Variants in POT1 observed in about 807,000 individuals in gnomAD.
POT1 encodes the protein protection of telomeres 1.
A neutral mutation model predicts 78.5 loss-of-function variants in POT1; 47 were observed. The observed-to-expected ratio is 0.60, with a 90% CI of 0.47 to 0.76. The LOEUF is 0.76. Ranked by LOEUF, POT1 falls within the 30% of genes least tolerant of loss-of-function variation. The pLI is 0.00. For missense variants in POT1, 646 were observed against 749.9 expected (o/e 0.86, Z 1.62); for synonymous variants, 259 against 260.7 (o/e 0.99, Z 0.06).
intron 13 of POT1, among the ~76,000 whole-genome samples, chr7:124,842,198 G>A (rs1195601894): frequency 6.6e-6 from 1 of 151,934 alleles, no homozygotes; most frequent in Non-Finnish European, 1.5e-5. Context: ...CAGAGGAAAA[G>A]TAGGCAAATT....
chr7:124,904,438 T>C (rs557178168), intron 3 of POT1, among the ~76,000 whole-genome samples: 1 of 152,284 alleles, frequency 6.6e-6, no homozygotes, highest in Non-Finnish European at 1.5e-5. Context: ...TTCAACAAAA[T>C]TCGACAGCCC....
intron 7 of POT1, among the ~76,000 whole-genome samples, chr7:124,866,250 ATG>A (rs1294061639): frequency 4.1e-5 from 1 of 24,418 alleles, no homozygotes; most frequent in Non-Finnish European, 9.4e-5. Flanking sequence ...TTGATAAAAC[ATG>A]TGTAGAATAG....
At position 124,859,024 on chromosome 7, in the gene POT1, C is replaced by G. The variant is rs746903370; in HGVS notation, c.635G>C (p.Arg212Pro). 1 of 1,610,268 alleles carries G rather than the reference C, an allele frequency of 6.2e-7. No homozygotes were observed. Among genetic ancestry groups the G allele is most frequent in the South Asian group, 1.1e-5 (1 of 90,650 alleles). The change falls in exon 9 of 19, where the codon CGG becomes CCG. Residue 212 changes from arginine to proline, a missense_variant. Physicochemically the swap from Arg to Pro is moderately radical, Grantham distance 103 (BLOSUM62 -2). This residue lies in a region of POT1 where 252 missense variants were observed against 341.4 expected (regional missense o/e 0.74). Coordinates refer to ENST00000357628, the MANE Select transcript of POT1 (RefSeq NM_015450.3). ...AATGTCTATTGTCAGATTTTGTAGC[C>G]GATGGATGTGACTTAAATCACCTTC... ...VLEGDLSHIH[R>P]LQNLTIDILV...
chr7:124,824,348 A>G (rs1238755028), intron 18 of POT1, among the ~76,000 whole-genome samples: 1 of 151,976 alleles, frequency 6.6e-6, no homozygotes, highest in Non-Finnish European at 1.5e-5. Flanking sequence ...GTTGGTATAT[A>G]TTTTAAAAAT....
intron 5 of POT1, 123 bp downstream of exon 5, chr7:124,897,042 T>C: frequency 4.1e-6 from 2 of 491,470 alleles, no homozygotes. Context: ...GTTTTTCCAG[T>C]GTATTGATAA....
At chr7:124,892,093 A>G (rs1371311677) in intron 6 of POT1, among the ~76,000 whole-genome samples, 173 bp downstream of exon 6, 1 of 151,592 alleles carries the variant, frequency 6.6e-6, no homozygotes. Context: ...TAGAATCTAA[A>G]GATCACGTTT....
intron 3 of POT1, among the ~76,000 whole-genome samples, chr7:124,909,280 T>C (rs1416150286): frequency 6.6e-6 from 1 of 151,892 alleles, no homozygotes; most frequent in African/African-American, 2.4e-5. Context: ...AATTACAGCT[T>C]GTGTATTTCT....
intron 9 of POT1, among the ~76,000 whole-genome samples, chr7:124,855,621 T>C (rs1795429192): frequency 6.7e-6 from 1 of 149,716 alleles, no homozygotes. Context: ...ATTATAAAAA[T>C]ACAGTTTAAA....
At chr7:124,869,620 T>C (rs1005861915) in intron 7 of POT1, among the ~76,000 whole-genome samples, 2 of 152,224 alleles carry the variant, frequency 1.3e-5, no homozygotes, top group Non-Finnish European at 2.9e-5. Context: ...TTTTCTCTTG[T>C]TGCCCAGACT....
intron 14 of POT1, among the ~76,000 whole-genome samples, chr7:124,839,162 C>T (rs1794967232): frequency 1.3e-5 from 2 of 151,834 alleles, no homozygotes; most frequent in African/African-American, 4.8e-5. Context: ...ACTGGTTTGA[C>T]AAAGAAGCAA....
intron 5 of POT1, chr7:124,892,808 A>G (rs964919841): frequency 6.6e-6 from 1 of 151,652 alleles, no homozygotes; most frequent in African/African-American, 2.4e-5. Flanking sequence ...TTGTAAATCA[A>G]GGAGCATCTG....
chr7:124,853,914 C>CCTAAAT (rs1331050857), intron 9 of POT1, among the ~76,000 whole-genome samples: 1 of 151,812 alleles, frequency 6.6e-6, no homozygotes, highest in Admixed American at 6.6e-5. Flanking sequence ...AGCTATATAA[C>CCTAAAT]CTAAATCACA....
intron 13 of POT1, among the ~76,000 whole-genome samples, chr7:124,841,799 A>C (rs1795034384): frequency 1.3e-5 from 2 of 151,924 alleles, no homozygotes; most frequent in Admixed American, 6.6e-5. Flanking sequence ...ATGATCGCGG[A>C]GAGTGGTTTT....
chr7:124,922,322 T>C (rs538103436), intron 2 of POT1, among the ~76,000 whole-genome samples: 1 of 152,106 alleles, frequency 6.6e-6, no homozygotes, highest in South Asian at 2.1e-4. Context: ...CCAGAAATGG[T>C]AAATATGTCA....
intron 9 of POT1, among the ~76,000 whole-genome samples, chr7:124,856,967 A>C (rs1795462398): frequency 6.6e-6 from 1 of 152,244 alleles, no homozygotes. Flanking sequence ...AGGACAAAAA[A>C]GTACAGTCAC....
chr7:124,896,854 T>C (rs1796503708), intron 5 of POT1, among the ~76,000 whole-genome samples: 1 of 151,704 alleles, frequency 6.6e-6, no homozygotes, highest in South Asian at 2.1e-4. Flanking sequence ...GCCTATGGTT[T>C]ATAACAAAAA....
intron 6 of POT1, among the ~76,000 whole-genome samples, chr7:124,876,409 A>G (rs1046942400): frequency 1.3e-5 from 2 of 152,210 alleles, no homozygotes; most frequent in Non-Finnish European, 2.9e-5. Context: ...CAAAAAACTG[A>G]TATCTCCTAG....
chr7:124,844,183 C>T (rs191988183), intron 12 of POT1, among the ~76,000 whole-genome samples: 10 of 145,160 alleles, frequency 6.9e-5, no homozygotes, highest in Admixed American at 1.4e-4. Context: ...GGCTGGAGTG[C>T]AATGGTGCGA....
Position 124,824,050 on chromosome 7 carries a change from A to G in POT1, c.1817T>C (p.Phe606Ser), listed in dbSNP as rs1562971847. ...ATTTGTGACATTGTATGACTTGATGAAGCATTCCAACCACGGATATGCATC... is the reference window on the plus strand; with the variant it reads ...ATTTGTGACATTGTATGACTTGATGGAGCATTCCAACCACGGATATGCATC... The part of the protein sequence containing the change: ...KIDAYPWLEC[F>S]IKSYNVTNGT... The change falls in exon 19 of 19, where the codon TTC becomes TCC. Residue 606 changes from phenylalanine to serine, a missense_variant. Physicochemically the swap from Phe to Ser is radical, Grantham distance 155. This residue lies in a region of POT1 where 394 missense variants were observed against 408.4 expected (regional missense o/e 0.96). Coordinates refer to ENST00000357628, the MANE Select transcript of POT1 (RefSeq NM_015450.3). 1 of 1,606,736 alleles carries G rather than the reference A, an allele frequency of 6.2e-7. No homozygotes were observed. The highest frequency in any genetic ancestry group is 1.7e-5 in the Admixed American group (1 of 59,348).
Sources: allele counts gnomAD v4.1 joint callset (sites outside exome capture counted in the v4.1 genomes callset), GRCh38; gene constraint gnomAD v4.1.1; regional missense constraint gnomAD v4.1.1; transcripts MANE v1.5; gene names NCBI Gene and HGNC (gene_info 2026-07-23, HGNC 2026-07-21).